CPED1: variants seen among roughly 807,000 people sequenced by gnomAD.
CPED1 encodes cadherin like and PC-esterase domain containing 1.
In CPED1, 114 loss-of-function variants were observed where a neutral mutation model predicts 128.2. The observed-to-expected ratio is 0.89, with a 90% confidence interval of 0.76 to 1.04. The LOEUF (loss-of-function observed/expected upper bound fraction) is 1.04, where lower values mean the gene tolerates loss of function less well. Among genes scored for constraint, CPED1 ranks in the 50% least tolerant of loss-of-function variants. The probability of loss-of-function intolerance (pLI) is 0.00; values close to 1 mark genes in which losing one functional copy is unlikely to be tolerated. For synonymous variants in CPED1, 462 were observed against 426.7 expected (o/e 1.08, Z -1.02); for missense variants, 1,211 against 1,207.1 (o/e 1.00, Z -0.05).
intron 17 of CPED1, among the ~76,000 whole-genome samples, chr7:121,241,560 T>G (rs1034074301): frequency 1.3e-5 from 2 of 152,050 alleles, no homozygotes; most frequent in Non-Finnish European, 2.9e-5. Flanking sequence ...GACCCTCGTT[T>G]TCTCCAAGAT....
intron 18 of CPED1, among the ~76,000 whole-genome samples, chr7:121,249,233 A>G (rs1199052821): frequency 6.6e-6 from 1 of 152,146 alleles, no homozygotes; most frequent in Non-Finnish European, 1.5e-5. Flanking sequence ...GAGATAATAG[A>G]CAACTTAGAA....
intron 9 of CPED1, among the ~76,000 whole-genome samples, chr7:121,126,108 G>A (rs561388220): frequency 6.6e-6 from 1 of 152,182 alleles, no homozygotes; most frequent in African/African-American, 2.4e-5. Flanking sequence ...AAATAAACAT[G>A]AATTTTTCTA....
At chr7:121,014,742 A>C (rs1331115552) in intron 2 of CPED1, among the ~76,000 whole-genome samples, 1 of 151,874 alleles carries the variant, frequency 6.6e-6, no homozygotes, top group Non-Finnish European at 1.5e-5. Context: ...TTAGATTCCC[A>C]ATTGTGTTTT....
At chr7:120,991,509 C>T (rs1166992298) in intron 2 of CPED1, among the ~76,000 whole-genome samples, 2 of 152,164 alleles carry the variant, frequency 1.3e-5, no homozygotes, top group Admixed American at 1.3e-4. Flanking sequence ...TAGTCTTGCT[C>T]TTATTTAATG....
intron 16 of CPED1, among the ~76,000 whole-genome samples, chr7:121,202,995 C>T (rs1450840207): frequency 6.6e-6 from 1 of 152,076 alleles, no homozygotes; most frequent in East Asian, 1.9e-4. Context: ...TAGGCTCTTA[C>T]TAATTTCTGA....
intron 16 of CPED1, among the ~76,000 whole-genome samples, chr7:121,204,828 G>A (rs930600318): frequency 2.5e-4 from 38 of 152,102 alleles, no homozygotes; most frequent in Admixed American, 2.5e-3. Flanking sequence ...GGATTATATA[G>A]TCCTCTCTGT....
intron 3 of CPED1, among the ~76,000 whole-genome samples, chr7:121,030,149 A>T (rs1792692361): frequency 1.3e-5 from 2 of 152,190 alleles, no homozygotes; most frequent in South Asian, 4.1e-4. Flanking sequence ...ACACATGCAC[A>T]CACAGACACA....
At chr7:121,209,653 TA>T (rs1169964527) in intron 16 of CPED1, among the ~76,000 whole-genome samples, 7 of 151,888 alleles carry the variant, frequency 4.6e-5, no homozygotes, top group African/African-American at 1.7e-4. Context: ...ATGAAACTAC[TA>T]AAAAAATTTT....
intron 7 of CPED1, among the ~76,000 whole-genome samples, chr7:121,107,767 T>C (rs1795013713): frequency 6.6e-6 from 1 of 152,160 alleles, no homozygotes; most frequent in Admixed American, 6.6e-5. Context: ...TTGAAACTTA[T>C]TAAATGTATA....
chr7:121,199,241 A>T (rs749678919), intron 16 of CPED1, among the ~76,000 whole-genome samples: 1 of 152,118 alleles, frequency 6.6e-6, no homozygotes, highest in African/African-American at 2.4e-5. Flanking sequence ...GGGACAGTCC[A>T]CACATGGGGT....
At chr7:120,991,963 A>G (rs761372003) in intron 2 of CPED1, among the ~76,000 whole-genome samples, 2 of 152,188 alleles carry the variant, frequency 1.3e-5, no homozygotes, top group Admixed American at 1.3e-4. Flanking sequence ...TGAGACAGAA[A>G]GGAAGTGAGA....
chr7:121,235,409 C>A (rs1798229406), intron 16 of CPED1, among the ~76,000 whole-genome samples: 1 of 152,090 alleles, frequency 6.6e-6, no homozygotes, highest in Non-Finnish European at 1.5e-5. Flanking sequence ...TAAGTTCACT[C>A]ACCCCCACCA....
intron 7 of CPED1, among the ~76,000 whole-genome samples, chr7:121,113,946 A>G (rs1795173748): frequency 6.6e-6 from 1 of 152,002 alleles, no homozygotes; most frequent in Non-Finnish European, 1.5e-5. Context: ...CTCTTGCCTC[A>G]GCCTCCTGAG....
intron 16 of CPED1, among the ~76,000 whole-genome samples, chr7:121,157,858 A>G (rs780753908): frequency 2.0e-5 from 3 of 152,214 alleles, no homozygotes; most frequent in Non-Finnish European, 2.9e-5. Flanking sequence ...TTGCCAGTTC[A>G]CTGACAATTT....
chr7:121,181,603 C>G (rs1407314907), intron 16 of CPED1, among the ~76,000 whole-genome samples: 1 of 152,016 alleles, frequency 6.6e-6, no homozygotes, highest in Non-Finnish European at 1.5e-5. Context: ...AGATGGTCAT[C>G]ATTTCTTAAC....
At chr7:121,004,730 A>C (rs554795987) in intron 2 of CPED1, among the ~76,000 whole-genome samples, 20 of 151,114 alleles carry the variant, frequency 1.3e-4, no homozygotes, top group African/African-American at 4.1e-4. Flanking sequence ...CCCTTGGAAG[A>C]CCCTAAGAGT....
chr7:121,116,950 CT>C, intron 7 of CPED1, among the ~76,000 whole-genome samples: 1 of 79,112 alleles, frequency 1.3e-5, no homozygotes, highest in African/African-American at 4.1e-5. Flanking sequence ...AACTCTCTCT[CT>C]CTCTCTCTCT....
intron 14 of CPED1, among the ~76,000 whole-genome samples, chr7:121,137,381 C>T (rs1415895849): frequency 6.6e-6 from 1 of 151,978 alleles, no homozygotes; most frequent in Non-Finnish European, 1.5e-5. Context: ...CTACATTGCC[C>T]AGGCTGGTCT....
At chr7:121,079,569 C>T (rs1018842025) in intron 5 of CPED1, among the ~76,000 whole-genome samples, 2 of 152,218 alleles carry the variant, frequency 1.3e-5, no homozygotes, top group Admixed American at 6.5e-5. Context: ...CTCACTTAGC[C>T]AAAGGTGTCT....
Sources: allele counts gnomAD v4.1 joint callset (sites outside exome capture counted in the v4.1 genomes callset), GRCh38; gene constraint gnomAD v4.1.1; transcripts MANE v1.5; gene names NCBI Gene and HGNC (gene_info 2026-07-23, HGNC 2026-07-21).